The following RGS6 variants were observed in gnomAD, a reference collection of about 807,000 sequenced individuals.
RGS6 encodes the protein regulator of G protein signaling 6.
RGS6 carries 30 observed loss-of-function variants against 78.5 expected under a neutral mutation model. That is an observed-to-expected ratio of 0.38 (90% CI 0.29 to 0.52). The LOEUF is 0.52. Ranked by LOEUF, RGS6 falls within the 20% of genes least tolerant of loss-of-function variation. The pLI, the probability that RGS6 is intolerant of heterozygous loss-of-function variation, is 0.85. For synonymous variants in RGS6, 206 were observed against 206.0 expected (o/e 1.00, Z 0.00); for missense variants, 495 against 609.7 (o/e 0.81, Z 1.98).
intron 3 of RGS6, among the ~76,000 whole-genome samples, chr14:72,356,743 T>A (rs948419172): frequency 2.0e-5 from 3 of 152,178 alleles, no homozygotes; most frequent in Admixed American, 6.5e-5. Context: ...CATAAGGGGC[T>A]TTTCCCTGTC....
At chr14:71,977,883 C>T (rs1333504741) in intron 2 of RGS6, among the ~76,000 whole-genome samples, 30 of 150,584 alleles carry the variant, frequency 2.0e-4, no homozygotes, top group Middle Eastern at 3.4e-3. Flanking sequence ...TATTGATTCT[C>T]CCTACCCATG....
the RGS6 span, among the ~76,000 whole-genome samples, chr14:72,624,275 T>G: frequency 6.6e-6 from 1 of 151,594 alleles, no homozygotes; most frequent in Non-Finnish European, 1.5e-5. Flanking sequence ...ATTGGTGTAA[T>G]ACTGTTAACT....
chr14:72,576,775 C>G, the RGS6 span, among the ~76,000 whole-genome samples: 1 of 152,300 alleles, frequency 6.6e-6, no homozygotes, highest in South Asian at 2.1e-4. Context: ...CTCAGTGCTT[C>G]TAACCTGCTG....
At chr14:71,971,468 G>A (rs1001321720) in intron 2 of RGS6, among the ~76,000 whole-genome samples, 1 of 151,920 alleles carries the variant, frequency 6.6e-6, no homozygotes. Context: ...ATCCTTTTGG[G>A]CCTTTGCCGA....
chr14:71,961,487 G>C (rs2093195254), intron 1 of RGS6, among the ~76,000 whole-genome samples: 1 of 152,132 alleles, frequency 6.6e-6, no homozygotes, highest in African/African-American at 2.4e-5. Context: ...GTGTGTGACA[G>C]ATAACAGATT....
At chr14:72,392,559 C>A (rs960569767) in intron 3 of RGS6, among the ~76,000 whole-genome samples, 4 of 152,176 alleles carry the variant, frequency 2.6e-5, no homozygotes, top group Non-Finnish European at 4.4e-5. Context: ...TGTGACTTGG[C>A]TACTGCCCCA....
At chr14:72,070,485 A>G (rs10151568) in intron 2 of RGS6, among the ~76,000 whole-genome samples, 109,649 of 152,070 alleles carry the variant, frequency 0.72, 39,619 homozygotes, top group East Asian at 0.81. Flanking sequence ...GATTTGAGAC[A>G]GGCAAGTTTC....
Position 72,558,018 on chromosome 14 carries a change from T to C in RGS6, c.1423-4399T>C, listed in dbSNP as rs1189152800. On this transcript the variant is annotated intron_variant, in intron 17 of 17. Coordinates refer to ENST00000553525, the MANE Select transcript of RGS6 (RefSeq NM_001204424.2). ...TTTTTTTTCTTTTGAGATATAATTA[T>C]GCACGGTAAAATGAACAGACCTGAA... 3.3e-5 allele frequency among the ~76,000 whole-genome samples: 5 copies of C among 152,162 alleles called. No individual in the cohort carries two copies. In the East Asian group the frequency reaches 9.6e-4, roughly 29 times the overall value.
chr14:72,129,875 T>C (rs956128319), intron 2 of RGS6, among the ~76,000 whole-genome samples: 1 of 152,166 alleles, frequency 6.6e-6, no homozygotes, highest in Non-Finnish European at 1.5e-5. Flanking sequence ...GAGGCACCAC[T>C]GTTTTCCCAT....
rs145125001 is a variant in RGS6, at chr14:72,176,303, A to G, written c.85-175792A>G. 3.9e-4 allele frequency among the ~76,000 whole-genome samples: 59 copies of G among 152,306 alleles called. No individual in the cohort carries two copies. The East Asian group carries it at 0.011, about 29-fold the overall frequency. Reference sequence around the variant, plus strand: ...CTCCCACCCCTCATTGGGGGAGATGACATGGGGCATACTTCCCTATGTGCT... The same window carrying G: ...CTCCCACCCCTCATTGGGGGAGATGGCATGGGGCATACTTCCCTATGTGCT... On this transcript the variant is annotated intron_variant, in intron 2 of 17. Coordinates refer to ENST00000553525, the MANE Select transcript of RGS6 (RefSeq NM_001204424.2).
intron 2 of RGS6, among the ~76,000 whole-genome samples, chr14:72,284,359 G>GCT (rs1567661595): frequency 2.6e-5 from 4 of 151,864 alleles, no homozygotes; most frequent in African/African-American, 2.4e-5. Flanking sequence ...GGAAAAAATG[G>GCT]CCCCCCCACC....
At chr14:72,137,749 A>G (rs116309519) in intron 2 of RGS6, among the ~76,000 whole-genome samples, 1,860 of 152,284 alleles carry the variant, frequency 0.012, 28 homozygotes, top group African/African-American at 0.043. Context: ...GGGGAACACT[A>G]CCCTTTGGGC....
intron 2 of RGS6, among the ~76,000 whole-genome samples, chr14:71,997,962 A>G (rs1233584904): frequency 2.0e-5 from 3 of 152,182 alleles, no homozygotes; most frequent in African/African-American, 7.2e-5. Context: ...GTTAATGTAG[A>G]AAGTGTATTT....
chr14:72,462,340 G>A (rs1320916303), intron 6 of RGS6, among the ~76,000 whole-genome samples: 3 of 152,134 alleles, frequency 2.0e-5, no homozygotes, highest in Non-Finnish European at 4.4e-5. Flanking sequence ...AAAGGCCTTG[G>A]CAGTCAAGTA....
chr14:71,880,885 C>T, the RGS6 span, among the ~76,000 whole-genome samples: 5 of 152,180 alleles, frequency 3.3e-5, no homozygotes, highest in Admixed American at 1.3e-4. Context: ...GGTAGATCCA[C>T]CAACAGCTTG....
Position 72,518,258 on chromosome 14 carries a change from T to A in RGS6, c.1092-93T>A, listed in dbSNP as rs1315676449. 3.3e-6 allele frequency: 4 copies of A among 1,203,138 alleles called. No individual in the cohort carries two copies. The Admixed American group carries it at 8.4e-5, about 25-fold the overall frequency. The allele number at this position is 1,203,138 out of a possible 1,614,324, so 74.5% of individuals were successfully genotyped here. The stretch of plus-strand genomic sequence containing the variant: ...GGGCAGGCTGAGAGATGCAGCAGAA[T>A]GGGTTTCATGGGACATCAGCTCTGG... On this transcript the variant is annotated intron_variant, in intron 14 of 17. Coordinates refer to ENST00000553525, the MANE Select transcript of RGS6 (RefSeq NM_001204424.2).
chr14:72,248,962 T>C (rs1362140332), intron 2 of RGS6, among the ~76,000 whole-genome samples: 1 of 152,248 alleles, frequency 6.6e-6, no homozygotes, highest in African/African-American at 2.4e-5. Flanking sequence ...GGCTTGCAGC[T>C]ATAACTGCAG....
chr14:72,259,693 G>T (rs59173848), intron 2 of RGS6, among the ~76,000 whole-genome samples: 3 of 151,210 alleles, frequency 2.0e-5, no homozygotes, highest in African/African-American at 7.3e-5. Context: ...GGATCACGAG[G>T]TCAGGAGATC....
chr14:72,287,340 T>C (rs925039555), intron 2 of RGS6, among the ~76,000 whole-genome samples: 1 of 152,226 alleles, frequency 6.6e-6, no homozygotes, highest in African/African-American at 2.4e-5. Context: ...TTCAGTAGTA[T>C]GTTGAAAGTA....
Sources: allele counts gnomAD v4.1 joint callset (sites outside exome capture counted in the v4.1 genomes callset), GRCh38; gene constraint gnomAD v4.1.1; transcripts MANE v1.5; gene names NCBI Gene and HGNC (gene_info 2026-07-23, HGNC 2026-07-21).